The following RIPOR2 variants were observed in gnomAD, a reference collection of about 807,000 sequenced individuals.
RIPOR2 encodes the protein rho family-interacting cell polarization regulator 2.
Under a neutral mutation model 114.5 loss-of-function variants are expected in RIPOR2, and 39 were observed. That is an observed-to-expected ratio of 0.34 (90% CI 0.26 to 0.44). RIPOR2 has a LOEUF of 0.44. Among genes scored for constraint, RIPOR2 ranks in the 20% least tolerant of loss-of-function variants. The pLI is 1.00. For synonymous variants in RIPOR2, 445 were observed against 484.4 expected (o/e 0.92, Z 1.07); for missense variants, 1,007 against 1,255.1 (o/e 0.80, Z 2.99).
chr6:25,024,013 A>G, intron 1 of RIPOR2: 1 of 750,732 alleles, frequency 1.3e-6, no homozygotes, highest in Non-Finnish European at 2.5e-6. Flanking sequence ...GTATTCCATC[A>G]GGTCATTACG....
At chr6:24,965,466 A>G (rs879557328) in intron 1 of RIPOR2, among the ~76,000 whole-genome samples, 2 of 152,008 alleles carry the variant, frequency 1.3e-5, no homozygotes, top group Admixed American at 6.6e-5. Context: ...TTTATTTTTC[A>G]TTTCCAGAAG....
At chr6:24,868,877 G>A (rs73398472) in intron 6 of RIPOR2, among the ~76,000 whole-genome samples, 3,035 of 152,282 alleles carry the variant, frequency 0.02, 48 homozygotes, top group African/African-American at 0.045. Flanking sequence ...AATGTTTGTG[G>A]AACTGAGGTA....
intron 11 of RIPOR2, 137 bp from the exon 12 acceptor site, chr6:24,848,291 C>A (rs1177773163): frequency 1.4e-5 from 12 of 863,254 alleles, no homozygotes; most frequent in Admixed American, 9.1e-5. Flanking sequence ...TTTAGCTAAA[C>A]TGCTTTGCAG....
intron 6 of RIPOR2, among the ~76,000 whole-genome samples, chr6:24,868,788 C>G (rs915895684): frequency 6.6e-6 from 1 of 152,134 alleles, no homozygotes; most frequent in Non-Finnish European, 1.5e-5. Flanking sequence ...TTTTGTAGGG[C>G]TAGTTTGATT....
chr6:24,820,689 G>T (rs76246209), intron 19 of RIPOR2, among the ~76,000 whole-genome samples: 1 of 152,236 alleles, frequency 6.6e-6, no homozygotes, highest in African/African-American at 2.4e-5. Context: ...GTTGAAGGAT[G>T]TATTAGGATT....
At chr6:24,850,393 C>A (rs1177408110) in intron 10 of RIPOR2, among the ~76,000 whole-genome samples, 3 of 152,186 alleles carry the variant, frequency 2.0e-5, no homozygotes, top group Non-Finnish European at 4.4e-5. Context: ...CTACACTACG[C>A]CTGGCCAGAG....
chr6:24,828,282 C>G lies in RIPOR2; in HGVS notation c.2520G>C (p.Leu840=). ...PGLADPVFRT[L]VSQILDRAEP... ...CAGCCCGGTCCAGAATTTGGGACAC[C>G]AGGGTTCGAAACACTATTCGGAAGG... The change falls in exon 18 of 22, where the codon CTG becomes CTC. Residue 840 remains leucine, a synonymous_variant. Transcript: ENST00000643898. 6.5e-7 allele frequency: 1 copy of G among 1,547,258 alleles called. No individual in the cohort carries two copies. Among genetic ancestry groups the G allele is most frequent in the East Asian group, 2.5e-5 (1 of 40,734 alleles).
At chr6:24,846,301 C>CTT (rs1233193249) in intron 12 of RIPOR2, among the ~76,000 whole-genome samples, 4,226 of 90,988 alleles carry the variant, frequency 0.046, 284 homozygotes, top group East Asian at 0.17. Context: ...TTTCACCTGC[C>CTT]TTTTTTTTTT....
In RIPOR2 at chr6:24,883,687, G is replaced by C. The variant is rs751624013; in HGVS notation, c.62-7870C>G. ...GTCATCATTCCTTCTGCAAGAGGAA[G>C]TGCCAAGAAATCAGGACTTGGAAAA... is the stretch of plus-strand genomic sequence containing the variant. On this transcript the variant is annotated intron_variant, in intron 1 of 21. Transcript: ENST00000643898. This position sits in a 1 kb window ranked among gnomAD's most constrained non-coding sequence, Gnocchi z 4.1. Among the ~76,000 whole-genome samples, 26 of 152,194 alleles carry C rather than the reference G, an allele frequency of 1.7e-4. No homozygotes were observed. Among genetic ancestry groups the C allele is most frequent in the Non-Finnish European group, 3.5e-4 (24 of 68,034 alleles).
At chr6:24,876,518 AG>A (rs765041860) in intron 1 of RIPOR2, among the ~76,000 whole-genome samples, 5 of 152,316 alleles carry the variant, frequency 3.3e-5, no homozygotes, top group South Asian at 2.1e-4. Flanking sequence ...AACACAGTCA[AG>A]TCTTAAGGCG....
intron 1 of RIPOR2, among the ~76,000 whole-genome samples, chr6:24,893,676 C>T (rs1240924724): frequency 6.6e-6 from 1 of 152,234 alleles, no homozygotes; most frequent in Non-Finnish European, 1.5e-5. Context: ...TTCCACTCCA[C>T]TCAGGCCAAC....
At chr6:24,840,263 C>T (rs1761569525) in intron 13 of RIPOR2, 9 of 1,027,626 alleles carry the variant, frequency 8.8e-6, no homozygotes, top group Non-Finnish European at 9.3e-6. Flanking sequence ...AATTTTTCCT[C>T]TGAGGACTGA....
At position 25,037,691 on chromosome 6, in the gene RIPOR2, A is replaced by C. The variant is rs1189244234; in HGVS notation, c.76+4160T>G. Among the ~76,000 whole-genome samples, 1 of 152,226 alleles carries C rather than the reference A, an allele frequency of 6.6e-6. No individual in the cohort carries two copies. Among genetic ancestry groups the C allele is most frequent in the Non-Finnish European group, 1.5e-5 (1 of 68,052 alleles). ...TGCTATGGACTAGAAAAGAAAATAA[A>C]TATTTCATTACAGATTCTGGGGGTG... is the stretch of plus-strand genomic sequence containing the variant. On this transcript the variant is annotated intron_variant, in intron 1 of 13. Transcript: ENST00000510784. This position sits in a 1 kb window ranked among gnomAD's most constrained non-coding sequence, Gnocchi z 4.5.
At chr6:24,998,757 C>T (rs1373995028) in intron 1 of RIPOR2, among the ~76,000 whole-genome samples, 2 of 152,040 alleles carry the variant, frequency 1.3e-5, no homozygotes, top group Non-Finnish European at 2.9e-5. Context: ...GTTTTATGAC[C>T]CTGGGTTATT....
intron 1 of RIPOR2, among the ~76,000 whole-genome samples, chr6:24,912,466 C>G (rs867582876): frequency 2.2e-5 from 3 of 138,162 alleles, no homozygotes; most frequent in African/African-American, 2.8e-5. Context: ...TTGCCCCCCC[C>G]CTTTTTTTTT....
At chr6:24,998,262 T>C (rs1775135829) in intron 1 of RIPOR2, among the ~76,000 whole-genome samples, 1 of 152,172 alleles carries the variant, frequency 6.6e-6, no homozygotes, top group Admixed American at 6.5e-5. Flanking sequence ...AAGTAATTCT[T>C]TGAGAATCTC....
chr6:24,819,072 A>T (rs1344209834), intron 19 of RIPOR2, among the ~76,000 whole-genome samples: 1 of 151,884 alleles, frequency 6.6e-6, no homozygotes, highest in Non-Finnish European at 1.5e-5. Context: ...TCATTCCAAG[A>T]TTTGAAATAT....
intron 7 of RIPOR2, among the ~76,000 whole-genome samples, chr6:24,861,569 A>T (rs1562277946): frequency 6.6e-6 from 1 of 152,374 alleles, no homozygotes; most frequent in South Asian, 2.1e-4. Flanking sequence ...TAGGAAATGT[A>T]GATATTCCAT....
At chr6:25,022,532 A>ATTTCTTTTTTTTTTTTTTT (rs1776376145) in intron 1 of RIPOR2, among the ~76,000 whole-genome samples, 1 of 40,950 alleles carries the variant, frequency 2.4e-5, no homozygotes, top group Non-Finnish European at 4.8e-5. Context: ...GGTACCTTCC[A>ATTTCTTTTTTTTTTTTTTT]TTTTTTTTTT....
Sources: allele counts gnomAD v4.1 joint callset (sites outside exome capture counted in the v4.1 genomes callset), GRCh38; gene constraint gnomAD v4.1.1; non-coding constraint Gnocchi (gnomAD v3.1); transcripts MANE v1.5; gene names NCBI Gene and HGNC (gene_info 2026-07-23, HGNC 2026-07-21).